The following MAGI1 variants were observed in gnomAD, a reference collection of about 807,000 sequenced individuals.
MAGI1 encodes membrane-associated guanylate kinase, WW and PDZ domain-containing protein 1.
A neutral mutation model predicts 139.9 loss-of-function variants in MAGI1; 58 were observed. The observed-to-expected ratio is 0.41, with a 90% CI of 0.34 to 0.52. The LOEUF is 0.52. Ranked by LOEUF, MAGI1 falls within the 20% of genes least tolerant of loss-of-function variation. The pLI is 0.12. For synonymous variants in MAGI1, 812 were observed against 737.9 expected, an observed-to-expected ratio of 1.10 and a Z score of -1.63; for missense variants, 1,874 against 1,901.6, an observed-to-expected ratio of 0.99 and a Z score of 0.27.
intron 13 of MAGI1, among the ~76,000 whole-genome samples, chr3:65,395,339 A>C (rs1292736577): frequency 2.0e-5 from 3 of 151,862 alleles, no homozygotes; most frequent in Admixed American, 2.0e-4. Context: ...CTCTGGAAGA[A>C]CCCTACTAAC....
At chr3:65,472,416 C>G (rs1950607901) in intron 4 of MAGI1, among the ~76,000 whole-genome samples, 1 of 151,970 alleles carries the variant, frequency 6.6e-6, no homozygotes, top group South Asian at 2.1e-4. Flanking sequence ...TTTTAAGTAC[C>G]CAGGTGATGA....
At chr3:66,018,607 A>G (rs1198791932) in intron 1 of MAGI1, among the ~76,000 whole-genome samples, 1 of 152,234 alleles carries the variant, frequency 6.6e-6, no homozygotes, top group Non-Finnish European at 1.5e-5. Context: ...CACATGGATC[A>G]TGATCACCAT....
intron 7 of MAGI1, among the ~76,000 whole-genome samples, chr3:65,445,521 A>G (rs1269708889): frequency 6.6e-6 from 1 of 152,212 alleles, no homozygotes; most frequent in Admixed American, 6.5e-5. Flanking sequence ...TTCTCTGTAT[A>G]TAGATTGAAA....
intron 1 of MAGI1, among the ~76,000 whole-genome samples, chr3:65,667,193 G>C (rs931912085): frequency 8.5e-5 from 13 of 152,180 alleles, no homozygotes; most frequent in African/African-American, 2.4e-4. Flanking sequence ...CATGAAGAAG[G>C]GGCAATGGGC....
rs867683859 is a variant in MAGI1, at chr3:65,549,214, G to T, written c.431-55583C>A. Among the ~76,000 whole-genome samples, 29 of 152,254 alleles carry T rather than the reference G, an allele frequency of 1.9e-4. No individual in the cohort carries two copies. In the South Asian group the frequency reaches 2.3e-3, roughly 12 times the overall value. ...GCGGGAAGGGGGAACTTGAACGCCC[G>T]GGCGGGCGGCAAGTGCAGCGCGTTC... is the stretch of plus-strand genomic sequence containing the variant. On this transcript the variant is annotated intron_variant, in intron 2 of 22. Coordinates refer to ENST00000402939, the MANE Select transcript of MAGI1 (RefSeq NM_001033057.2).
At chr3:65,850,660 T>C (rs1417097176) in intron 1 of MAGI1, among the ~76,000 whole-genome samples, 1 of 152,116 alleles carries the variant, frequency 6.6e-6, no homozygotes, top group Non-Finnish European at 1.5e-5. Context: ...AGGGGCACAC[T>C]GGAGAAAAAG....
intron 2 of MAGI1, among the ~76,000 whole-genome samples, chr3:65,600,320 A>T (rs2082418382): frequency 6.6e-6 from 1 of 152,212 alleles, no homozygotes; most frequent in African/African-American, 2.4e-5. Flanking sequence ...AGTCTTCAAT[A>T]GGGAAAGAAA....
At chr3:65,408,029 C>T (rs1311493784) in intron 12 of MAGI1, among the ~76,000 whole-genome samples, 2 of 152,204 alleles carry the variant, frequency 1.3e-5, no homozygotes, top group African/African-American at 2.4e-5. Flanking sequence ...TAGCCCCTCT[C>T]AAGCAAAGCT....
chr3:65,673,918 A>G (rs1034897552), intron 1 of MAGI1, among the ~76,000 whole-genome samples: 4 of 152,156 alleles, frequency 2.6e-5, no homozygotes, highest in Non-Finnish European at 5.9e-5. Context: ...TAAATGGAGG[A>G]ATGCCTTCTA....
intron 1 of MAGI1, among the ~76,000 whole-genome samples, chr3:65,703,461 C>CG (rs1449492768): frequency 6.6e-6 from 1 of 152,234 alleles, no homozygotes; most frequent in Non-Finnish European, 1.5e-5. Flanking sequence ...ATTAGATGAA[C>CG]TGCCCTTAGG....
At chr3:65,812,445 TTCTC>T (rs530333757) in intron 1 of MAGI1, among the ~76,000 whole-genome samples, 26 of 130,646 alleles carry the variant, frequency 2.0e-4, no homozygotes, top group African/African-American at 5.8e-4. Context: ...CTCTCTCTCT[TTCTC>T]TCTCTCTCTC....
chr3:66,033,513 T>G (rs551970081), intron 1 of MAGI1, among the ~76,000 whole-genome samples: 22 of 152,300 alleles, frequency 1.4e-4, no homozygotes, highest in African/African-American at 5.3e-4. Flanking sequence ...CAGAGATTCA[T>G]GAGAAACCAA....
chr3:66,036,450 A>G (rs535442498), intron 1 of MAGI1, among the ~76,000 whole-genome samples: 37 of 152,270 alleles, frequency 2.4e-4, no homozygotes, highest in African/African-American at 8.2e-4. Flanking sequence ...CAGAGTTCAG[A>G]GTAAGTAAAA....
At chr3:65,530,614 ATGTGTGTGTGGTGTGTGTG>A (rs1225226507) in intron 2 of MAGI1, among the ~76,000 whole-genome samples, 1 of 133,838 alleles carries the variant, frequency 7.5e-6, no homozygotes, top group Admixed American at 8.2e-5. Context: ...ACACATACGT[ATGTGTGTGTGGTGTGTGTG>A]TGTGTGTGTG....
chr3:65,409,094 T>C (rs537367482), intron 12 of MAGI1, among the ~76,000 whole-genome samples: 6 of 152,330 alleles, frequency 3.9e-5, no homozygotes, highest in Admixed American at 1.3e-4. Context: ...AGAGCTGAAG[T>C]ATGAGAAGGA....
intron 1 of MAGI1, among the ~76,000 whole-genome samples, chr3:65,937,885 C>T (rs570556674): frequency 1.2e-4 from 18 of 151,544 alleles, no homozygotes; most frequent in African/African-American, 1.5e-4. Context: ...GCTATCATTC[C>T]GTTTGTTGGA....
At chr3:65,991,307 TAAAA>T (rs397950872) in intron 1 of MAGI1, among the ~76,000 whole-genome samples, 1 of 109,316 alleles carries the variant, frequency 9.1e-6, no homozygotes, top group African/African-American at 3.2e-5. Flanking sequence ...AAAAAAAAGG[TAAAA>T]AAAAAAAAAA....
intron 1 of MAGI1, among the ~76,000 whole-genome samples, chr3:66,026,872 G>C (rs563130816): frequency 6.6e-6 from 1 of 150,808 alleles, no homozygotes; most frequent in Non-Finnish European, 1.5e-5. Flanking sequence ...GGCAGCAAAA[G>C]GGCCAGCCTA....
At chr3:66,009,454 G>C (rs1560107052) in intron 1 of MAGI1, among the ~76,000 whole-genome samples, 1 of 152,118 alleles carries the variant, frequency 6.6e-6, no homozygotes, top group Non-Finnish European at 1.5e-5. Flanking sequence ...AGGTTGCAGT[G>C]AGCCAAGACC....
Sources: allele counts gnomAD v4.1 joint callset (sites outside exome capture counted in the v4.1 genomes callset), GRCh38; gene constraint gnomAD v4.1.1; transcripts MANE v1.5; gene names NCBI Gene and HGNC (gene_info 2026-07-23, HGNC 2026-07-21).